The following HEATR5B variants were observed in gnomAD, a reference collection of about 807,000 sequenced individuals.
The protein encoded by HEATR5B is HEAT repeat containing 5B, also known as HEAT repeat-containing protein 5B.
HEATR5B carries 156 observed loss-of-function variants against 224.1 expected under a neutral mutation model. The observed-to-expected ratio is 0.70, with a 90% CI of 0.61 to 0.80. The LOEUF is 0.80. Among genes scored for constraint, HEATR5B ranks in the 30% least tolerant of loss-of-function variants. HEATR5B has a pLI of 0.00. For missense variants in HEATR5B, 2,323 were observed against 2,535.5 expected, an observed-to-expected ratio of 0.92 and a Z score of 1.80; for synonymous variants, 1,027 against 893.0, an observed-to-expected ratio of 1.15 and a Z score of -2.68.
intron 35 of HEATR5B, among the ~76,000 whole-genome samples, chr2:36,983,618 CT>C (rs1361134340): frequency 1.3e-5 from 2 of 151,718 alleles, no homozygotes; most frequent in African/African-American, 4.8e-5. Flanking sequence ...ATCCCAGCTA[CT>C]CTGGAGGCTG....
chr2:37,049,570 G>A, intron 18 of HEATR5B, 83 bp downstream of exon 18: 1 of 1,238,252 alleles, frequency 8.1e-7, no homozygotes, highest in South Asian at 1.3e-5. Flanking sequence ...TATACCATGT[G>A]GAAAACATAA....
At chr2:37,033,169 G>A (rs60022493) in intron 21 of HEATR5B, among the ~76,000 whole-genome samples, 5,534 of 152,074 alleles carry the variant, frequency 0.036, 157 homozygotes, top group East Asian at 0.12. Flanking sequence ...ATGAGCCACC[G>A]TGCCCCGCCC....
At position 36,981,601 on chromosome 2, in the gene HEATR5B, T is replaced by C. The variant is rs745317509; in HGVS notation, c.6105A>G (p.Leu2035=). The C allele has an allele frequency of 1.2e-6, 2 of 1,614,256 alleles. No individual in the cohort carries two copies. Among genetic ancestry groups the C allele is most frequent in the South Asian group, 2.2e-5 (2 of 91,084 alleles). The change falls in exon 36 of 36, where the codon CTA becomes CTG. Residue 2035 remains leucine, a synonymous_variant. Coordinates refer to ENST00000233099, the MANE Select transcript of HEATR5B (RefSeq NM_019024.3). ...CTTGGCTTGCTCGAACGGCAGTTTCTAGACGCACTTTCAACTCAGGAGCAG... is the reference window on the plus strand; with the variant it reads ...CTTGGCTTGCTCGAACGGCAGTTTCCAGACGCACTTTCAACTCAGGAGCAG... ...MGAAPELKVR[L]ETAVRASQAS...
At position 37,042,487 on chromosome 2, in the gene HEATR5B, T is replaced by C. The variant is rs566074773; in HGVS notation, c.2697-1195A>G. 8.5e-5 allele frequency among the ~76,000 whole-genome samples: 13 copies of C among 152,378 alleles called. No homozygotes were observed. In the East Asian group the frequency reaches 2.3e-3, roughly 27 times the overall value. Reference sequence around the variant, plus strand: ...GAATTAAGAACAAATATCAAATTTATGGTGAAGCTTGGGTGGAAGAATGGT... The same window carrying C: ...GAATTAAGAACAAATATCAAATTTACGGTGAAGCTTGGGTGGAAGAATGGT... On this transcript the variant is annotated intron_variant, in intron 18 of 35. Transcript: ENST00000233099.
At position 37,041,169 on chromosome 2, in the gene HEATR5B, C is replaced by T. The variant is rs1669846970; in HGVS notation, c.2820G>A (p.Leu940=). The T allele has an allele frequency of 2.5e-6, 4 of 1,613,940 alleles. No individual in the cohort carries two copies. The highest frequency in any genetic ancestry group is 3.4e-6 in the Non-Finnish European group (4 of 1,179,946). ...QHLKTSVSIL[L]ALAQDGTSPE... The stretch of plus-strand genomic sequence containing the variant: ...GGGATGTCCCATCTTGTGCTAGAGC[C>T]AATAAAATGCTGACACTGGTCTTCA... The change falls in exon 19 of 36, where the codon TTG becomes TTA. Residue 940 remains leucine, a synonymous_variant. Transcript: ENST00000233099.
At chr2:37,027,004 G>A (rs762028397) in intron 24 of HEATR5B, among the ~76,000 whole-genome samples, 35 of 152,236 alleles carry the variant, frequency 2.3e-4, no homozygotes, top group Middle Eastern at 3.4e-3. Context: ...TCAGCATGTT[G>A]GCCAGGCTGG....
rs546791530 is a variant in HEATR5B, at chr2:37,034,163, C to T, written c.3217-1390G>A. 3.3e-5 allele frequency among the ~76,000 whole-genome samples: 5 copies of T among 151,558 alleles called. No individual in the cohort carries two copies. In the South Asian group the frequency reaches 6.3e-4, roughly 19 times the overall value. ...CTGGGACTACAGGTGCCCGCCACCACGCCCGGCTAATTTTTTGTATTTTTA... is the reference window on the plus strand; with the variant it reads ...CTGGGACTACAGGTGCCCGCCACCATGCCCGGCTAATTTTTTGTATTTTTA... On this transcript the variant is annotated intron_variant, in intron 21 of 35. Transcript: ENST00000233099.
At chr2:37,048,402 C>T (rs1670335069) in intron 18 of HEATR5B, among the ~76,000 whole-genome samples, 1 of 151,950 alleles carries the variant, frequency 6.6e-6, no homozygotes, top group Non-Finnish European at 1.5e-5. Context: ...CCAGGCTGAT[C>T]CAGAATTCTT....
intron 29 of HEATR5B, among the ~76,000 whole-genome samples, chr2:37,006,597 C>T (rs1209715785): frequency 2.6e-5 from 4 of 152,088 alleles, no homozygotes; most frequent in South Asian, 2.1e-4. Context: ...ACCGAGATTG[C>T]GCCACTGCAC....
intron 26 of HEATR5B, among the ~76,000 whole-genome samples, chr2:37,018,783 C>T (rs921729461): frequency 3.3e-5 from 5 of 152,008 alleles, no homozygotes; most frequent in African/African-American, 1.2e-4. Context: ...AACTGATTAC[C>T]TAAAAGATTA....
At chr2:37,065,136 A>G (rs931078638) in intron 9 of HEATR5B, 146 bp from the exon 10 acceptor site, 7 of 675,848 alleles carry the variant, frequency 1.0e-5, no homozygotes, top group Middle Eastern at 7.7e-4. Context: ...AACTACATAC[A>G]GTAGAGTACT....
At chr2:36,991,776 A>G (rs1175285268) in intron 33 of HEATR5B, among the ~76,000 whole-genome samples, 1 of 152,212 alleles carries the variant, frequency 6.6e-6, no homozygotes, top group African/African-American at 2.4e-5. Context: ...GTAAATACCC[A>G]GTGATAATCA....
Position 37,041,239 on chromosome 2 carries a change from C to T in HEATR5B, c.2750G>A (p.Gly917Asp). 6.2e-7 allele frequency: 1 copy of T among 1,614,116 alleles called. No homozygotes were observed. Among genetic ancestry groups the T allele is most frequent in the East Asian group, 2.2e-5 (1 of 44,878 alleles). The change falls in exon 19 of 36, where the codon GGT (glycine) becomes GAT (aspartate). Residue 917 changes from glycine (G) to aspartate (D), a missense_variant. Physicochemically the swap from Gly to Asp is moderately conservative, Grantham distance 94. Transcript: ENST00000233099. The part of the protein sequence containing the change: ...VSRTGHSLAL[G>D]CLHRYVGGIG... ...TCCACCAACATAACGATGCAAACAACCAAGAGCCAATGAATGACCAGTCCT... is the reference window on the plus strand; with the variant it reads ...TCCACCAACATAACGATGCAAACAATCAAGAGCCAATGAATGACCAGTCCT...
rs748628745 is a variant in HEATR5B at position 36,981,613 on chromosome 2, C to T, written c.6093G>A (p.Leu2031=). 6.2e-7 allele frequency: 1 copy of T among 1,614,204 alleles called. No individual in the cohort carries two copies. Among genetic ancestry groups the T allele is most frequent in the South Asian group, 1.1e-5 (1 of 91,090 alleles). ...GAACGGCAGTTTCTAGACGCACTTT[C>T]AACTCAGGAGCAGCCCCCATTACTG... ...FKTVMGAAPE[L]KVRLETAVRA... is the part of the protein sequence containing the mutation. Residue 2031 remains leucine, a synonymous_variant, in exon 36 of 36, where the codon TTG becomes TTA. Coordinates refer to ENST00000233099, the MANE Select transcript of HEATR5B (RefSeq NM_019024.3).
chr2:37,011,777 C>T (rs572060387), intron 27 of HEATR5B, among the ~76,000 whole-genome samples: 3 of 152,164 alleles, frequency 2.0e-5, no homozygotes, highest in East Asian at 1.9e-4. Context: ...ATACAGCTTT[C>T]GAAGACAAAA....
intron 35 of HEATR5B, among the ~76,000 whole-genome samples, chr2:36,982,139 G>C (rs1665623176): frequency 6.6e-6 from 1 of 152,022 alleles, no homozygotes; most frequent in Admixed American, 6.6e-5. Context: ...TCTAGAATCA[G>C]GAGATTGGAG....
intron 20 of HEATR5B, 44 bp downstream of exon 20, chr2:37,040,285 C>T (rs79461666): frequency 4.1e-6 from 6 of 1,452,404 alleles, no homozygotes; most frequent in Non-Finnish European, 5.7e-6. Flanking sequence ...TTTAAAGATA[C>T]TGATTATCTA....
At chr2:37,053,656 A>G (rs759977858) in intron 16 of HEATR5B, 49 bp from the exon 17 acceptor site, 9 of 1,126,682 alleles carry the variant, frequency 8.0e-6, no homozygotes, top group Middle Eastern at 2.0e-4. Context: ...TTTTATTCCA[A>G]TATGGCTCAA....
intron 20 of HEATR5B, among the ~76,000 whole-genome samples, chr2:37,039,773 G>C (rs532114289): frequency 6.6e-6 from 1 of 152,190 alleles, no homozygotes; most frequent in African/African-American, 2.4e-5. Context: ...AATTAGCTCA[G>C]TGGAATTAAG....
Sources: gnomAD v4.1 joint callset for allele counts (sites outside exome capture counted in the v4.1 genomes callset) on GRCh38, gnomAD v4.1.1 for gene constraint, MANE v1.5 for transcripts, NCBI Gene and HGNC (gene_info 2026-07-23, HGNC 2026-07-21) for gene names.